SIAH1: variants seen among roughly 807,000 people sequenced by gnomAD.
SIAH1 encodes the protein siah E3 ubiquitin protein ligase 1, also known as E3 ubiquitin-protein ligase SIAH1.
Under a neutral mutation model 20.0 loss-of-function variants are expected in SIAH1, and 2 were observed. The observed-to-expected ratio is 0.10, with a 90% confidence interval of 0.04 to 0.31. The LOEUF is 0.31. SIAH1 is among the 10% of genes least tolerant of loss of function. The pLI, the probability that SIAH1 is intolerant of heterozygous loss-of-function variation, is 1.00. For missense variants in SIAH1, 119 were observed against 355.3 expected (o/e 0.33, Z 5.35); for synonymous variants, 118 against 125.3 (o/e 0.94, Z 0.39).
intron 1 of SIAH1, chr16:48,363,803 CAAAGAT>C: frequency 6.0e-6 from 1 of 166,150 alleles, no homozygotes; most frequent in East Asian, 2.0e-4. Flanking sequence ...CAGGCTGAGT[CAAAGAT>C]AAAACAAGCA....
intron 1 of SIAH1, among the ~76,000 whole-genome samples, chr16:48,372,851 TTA>T (rs1226754988): frequency 6.6e-6 from 1 of 152,196 alleles, no homozygotes; most frequent in Non-Finnish European, 1.5e-5. Flanking sequence ...ATCCAATATT[TTA>T]GTGAATCAGT....
At chr16:48,380,120 C>T (rs1961232960) in intron 1 of SIAH1, among the ~76,000 whole-genome samples, 2 of 152,156 alleles carry the variant, frequency 1.3e-5, no homozygotes, top group Non-Finnish European at 1.5e-5. Flanking sequence ...CTGCAAAAGA[C>T]GTATCTAAAA....
At chr16:48,366,025 A>C in intron 1 of SIAH1, 1 of 576,138 alleles carries the variant, frequency 1.7e-6, no homozygotes, top group Non-Finnish European at 2.3e-6. Context: ...TTGCTCGCGC[A>C]AGGGTGGGGC....
At chr16:48,379,484 G>A (rs569243587) in intron 1 of SIAH1, among the ~76,000 whole-genome samples, 1 of 152,310 alleles carries the variant, frequency 6.6e-6, no homozygotes, top group Admixed American at 6.5e-5. Flanking sequence ...AAGTTTGTAA[G>A]AAACACTATG....
intron 1 of SIAH1, among the ~76,000 whole-genome samples, chr16:48,375,548 G>C (rs1322120467): frequency 6.6e-6 from 1 of 152,108 alleles, no homozygotes; most frequent in Non-Finnish European, 1.5e-5. Context: ...TGAGGCAAGA[G>C]AATTGCTTGA....
chr16:48,370,887 C>A (rs947446736), intron 1 of SIAH1, among the ~76,000 whole-genome samples: 1 of 151,412 alleles, frequency 6.6e-6, no homozygotes, highest in Non-Finnish European at 1.5e-5. Context: ...CCAAGGCTGG[C>A]GGGATCGCTT....
chr16:48,384,966 C>G (rs1322655042), intron 1 of SIAH1, among the ~76,000 whole-genome samples: 1 of 146,028 alleles, frequency 6.8e-6, no homozygotes, highest in Non-Finnish European at 1.5e-5. Context: ...CCCGCCGGGC[C>G]CGGGGCTCCA....
At chr16:48,379,880 G>A (rs1961222801) in intron 1 of SIAH1, among the ~76,000 whole-genome samples, 1 of 152,126 alleles carries the variant, frequency 6.6e-6, no homozygotes, top group Non-Finnish European at 1.5e-5. Context: ...AACAAGAGAG[G>A]CCAGCTCAGG....
intron 1 of SIAH1, among the ~76,000 whole-genome samples, chr16:48,377,413 A>G (rs1483199564): frequency 1.4e-5 from 2 of 140,546 alleles, no homozygotes; most frequent in Admixed American, 7.3e-5. Flanking sequence ...TTTTTTTGAG[A>G]CAGAGTCTTG....
intron 1 of SIAH1, among the ~76,000 whole-genome samples, chr16:48,380,401 T>C (rs984013267): frequency 6.6e-6 from 1 of 151,650 alleles, no homozygotes; most frequent in Non-Finnish European, 1.5e-5. Flanking sequence ...TGCAGTTAGC[T>C]GAGTTGGCGC....
rs76954201 is a variant in SIAH1 at position 48,367,067 on chromosome 16, C to T, written c.-2-4637G>A. Among the ~76,000 whole-genome samples the T allele has an allele frequency of 1.2e-3, 186 of 152,196 alleles. 2 individuals carry two copies. The highest frequency in any genetic ancestry group is 4.3e-3 in the African/African-American group (180 of 41,518). On this transcript the variant is annotated intron_variant, in intron 1 of 1. Coordinates refer to ENST00000394725, the MANE Select transcript of SIAH1 (RefSeq NM_003031.4). ...GACCACAGGCTGGCACCACCACTCTCGTTAATTTTCTTTGTAAAGATAGGG... is the reference window on the plus strand; with the variant it reads ...GACCACAGGCTGGCACCACCACTCTTGTTAATTTTCTTTGTAAAGATAGGG...
At chr16:48,364,480 C>A (rs1960749474) in intron 1 of SIAH1, among the ~76,000 whole-genome samples, 1 of 152,104 alleles carries the variant, frequency 6.6e-6, no homozygotes, top group Non-Finnish European at 1.5e-5. Context: ...CCAGAGGCAA[C>A]AAAAGTGACA....
At chr16:48,373,542 C>G (rs1313282820) in intron 1 of SIAH1, among the ~76,000 whole-genome samples, 4 of 152,146 alleles carry the variant, frequency 2.6e-5, no homozygotes, top group Non-Finnish European at 4.4e-5. Context: ...ACCATTCCTC[C>G]CTACCTCTAC....
chr16:48,375,341 G>A (rs1256302524), intron 1 of SIAH1, among the ~76,000 whole-genome samples: 1 of 152,188 alleles, frequency 6.6e-6, no homozygotes, highest in Non-Finnish European at 1.5e-5. Flanking sequence ...CTGTTTAAAC[G>A]GGGTGGGGGG....
chr16:48,361,602 T>C lies in SIAH1; in HGVS notation c.827A>G (p.Asn276Ser), dbSNP rs1459822793. The part of the protein sequence containing the change: ...LFAENGNLGI[N>S]VTISMC ...ATTTCAACACATGGAAATAGTTACA[T>C]TGATGCCTAAATTGCCATTTTCTGC... Residue 276 changes from asparagine to serine, a missense_variant, in exon 2 of 2, where the codon AAT becomes AGT. By Grantham distance (46) the Asn-to-Ser change is conservative (BLOSUM62 1). Coordinates refer to ENST00000394725, the MANE Select transcript of SIAH1 (RefSeq NM_003031.4). The C allele has an allele frequency of 1.2e-6, 2 of 1,613,118 alleles. No individual in the cohort carries two copies. The highest frequency in any genetic ancestry group is 1.7e-5 in the Admixed American group (1 of 60,006).
At chr16:48,381,728 AAAG>A (rs1961299460) in intron 1 of SIAH1, among the ~76,000 whole-genome samples, 1 of 152,230 alleles carries the variant, frequency 6.6e-6, no homozygotes, top group African/African-American at 2.4e-5. Flanking sequence ...ACAATAAAAG[AAAG>A]AAGATAAGTG....
At chr16:48,386,443 T>C (rs1222416049), upstream of SIAH1, among the ~76,000 whole-genome samples, 2 of 151,976 alleles carry the variant, frequency 1.3e-5, no homozygotes, top group Non-Finnish European at 2.9e-5. Context: ...GAGGCAGAGG[T>C]TGCAGTGAGG....
intron 1 of SIAH1, among the ~76,000 whole-genome samples, chr16:48,384,959 G>A (rs1432638596): frequency 2.1e-5 from 3 of 144,812 alleles, no homozygotes; most frequent in African/African-American, 7.4e-5. Flanking sequence ...CCGCCACCCC[G>A]CCGGGCCCGG....
chr16:48,370,581 G>A (rs950611607), intron 1 of SIAH1, among the ~76,000 whole-genome samples: 4 of 151,956 alleles, frequency 2.6e-5, no homozygotes, highest in African/African-American at 9.7e-5. Flanking sequence ...CACTTTGGGA[G>A]GCTGAGGTGG....
Sources: gnomAD v4.1 joint callset for allele counts (sites outside exome capture counted in the v4.1 genomes callset) on GRCh38, gnomAD v4.1.1 for gene constraint, MANE v1.5 for transcripts, NCBI Gene and HGNC (gene_info 2026-07-23, HGNC 2026-07-21) for gene names.